Variants in SUPT4H1 observed in about 807,000 individuals in gnomAD.
The protein encoded by SUPT4H1 is SPT4 homolog, DSIF elongation factor subunit.
SUPT4H1 carries 12 observed loss-of-function variants against 19.4 expected under a neutral mutation model. The observed-to-expected ratio is 0.62, with a 90% confidence interval of 0.40 to 1.00. SUPT4H1 has a LOEUF of 1.00. Among genes scored for constraint, SUPT4H1 ranks in the 50% least tolerant of loss-of-function variants. SUPT4H1 has a pLI of 0.00. For missense variants in SUPT4H1, 115 were observed against 149.2 expected, an observed-to-expected ratio of 0.77 and a Z score of 1.19; for synonymous variants, 58 against 56.3, an observed-to-expected ratio of 1.03 and a Z score of -0.14.
Position 58,351,515 on chromosome 17 carries a change from G to A in SUPT4H1, c.70-7C>T. 1.3e-6 allele frequency: 2 copies of A among 1,589,128 alleles called. No individual in the cohort carries two copies. The highest frequency in any genetic ancestry group is 2.2e-5 in the East Asian group (1 of 44,740). The stretch of plus-strand genomic sequence containing the variant: ...ATTCAAACTGGTCTATAGTCTGGGA[G>A]TGAAAGAAAAATAAAGGAAAAGGAG... On this transcript the variant is annotated splice_polypyrimidine_tract_variant and splice_region_variant and intron_variant, in intron 1 of 4. Transcript: ENST00000225504.
intron 2 of SUPT4H1, among the ~76,000 whole-genome samples, chr17:58,350,049 G>A (rs1374761211): frequency 5.9e-5 from 9 of 152,244 alleles, no homozygotes; most frequent in African/African-American, 2.2e-4. Flanking sequence ...TTGTGAGGCT[G>A]AGACGGGAGG....
intron 2 of SUPT4H1, among the ~76,000 whole-genome samples, chr17:58,351,181 A>G (rs182630948): frequency 6.8e-5 from 10 of 147,604 alleles, no homozygotes; most frequent in Admixed American, 6.2e-4. Flanking sequence ...TCAGAGGATC[A>G]TTCCACGCTG....
intron 4 of SUPT4H1, 84 bp from the exon 5 acceptor site, chr17:58,346,397 C>T: frequency 1.8e-6 from 2 of 1,136,042 alleles, no homozygotes; most frequent in South Asian, 1.2e-5. Context: ...GAGGGGGGTA[C>T]TATAAGCAAA....
At position 58,346,223 on chromosome 17, in the gene SUPT4H1, G is replaced by T. The variant is rs1972282982; in HGVS notation, c.*23C>A. 1 of 1,607,826 alleles carries T rather than the reference G, an allele frequency of 6.2e-7. No homozygotes were observed. The highest frequency in any genetic ancestry group is 2.2e-5 in the East Asian group (1 of 44,852). On this transcript the variant is annotated 3_prime_UTR_variant, in exon 5 of 5. Transcript: ENST00000225504. ...GCAGAGGCAGGAGGTGGAGAGCAAA[G>T]ATGCTGGCAGCCTTGCATCTTGCTA... is the stretch of plus-strand genomic sequence containing the variant.
chr17:58,351,031 G>A (rs1408570119), intron 2 of SUPT4H1, among the ~76,000 whole-genome samples: 2 of 151,934 alleles, frequency 1.3e-5, no homozygotes, highest in East Asian at 1.9e-4. Flanking sequence ...ATTTGGACTA[G>A]ACACATTTCA....
At chr17:58,349,314 T>C (rs1251293990) in intron 2 of SUPT4H1, among the ~76,000 whole-genome samples, 1 of 152,290 alleles carries the variant, frequency 6.6e-6, no homozygotes, top group African/African-American at 2.4e-5. Flanking sequence ...AATTTTGTTC[T>C]TTTCCAGGCT....
At position 58,346,257 on chromosome 17, in the gene SUPT4H1, T is replaced by C; in HGVS notation, c.343A>G (p.Ile115Val). The change falls in exon 5 of 5, where the codon ATA becomes GTA. Residue 115 changes from isoleucine to valine, a missense_variant. Ile to Val is a conservative substitution (Grantham distance 29). Transcript: ENST00000225504. ...AGCCTTGCATCTTGCTAGGTCTTTA[T>C]AGCTGTGTCTCTGGATTTGTAGGCC... ...GVAYKSRDTA[I>V]KT The C allele has an allele frequency of 6.2e-7, 1 of 1,614,056 alleles. No homozygotes were observed. Among genetic ancestry groups the C allele is most frequent in the Non-Finnish European group, 8.5e-7 (1 of 1,179,918 alleles).
chr17:58,352,122 G>A lies in SUPT4H1; in HGVS notation c.14C>T (p.Thr5Met), dbSNP rs149078703. The change falls in exon 1 of 5, where the codon ACG (threonine) becomes ATG (methionine). Residue 5 changes from threonine (T) to methionine (M), a missense_variant. By Grantham distance (81) the Thr-to-Met change is moderately conservative (BLOSUM62 -1). Coordinates refer to ENST00000225504, the MANE Select transcript of SUPT4H1 (RefSeq NM_003168.3). ...CAGATGCCGCAGGTCCTTCGGCACCGTCTCCAGGGCCATCTTCGCCGATGG... is the reference window on the plus strand; with the variant it reads ...CAGATGCCGCAGGTCCTTCGGCACCATCTCCAGGGCCATCTTCGCCGATGG... Reference protein sequence around the residue: MALETVPKDLRHLRA... With the variant: MALEMVPKDLRHLRA... The A allele has an allele frequency of 1.2e-6, 2 of 1,614,156 alleles. No homozygotes were observed. The highest frequency in any genetic ancestry group is 2.2e-5 in the East Asian group (1 of 44,888).
intron 3 of SUPT4H1, 108 bp downstream of exon 3, chr17:58,347,421 C>G (rs1198218379): frequency 6.9e-7 from 1 of 1,449,704 alleles, no homozygotes; most frequent in African/African-American, 1.4e-5. Flanking sequence ...ACAACCCGAT[C>G]TTTCCCACCC....
Position 58,346,300 on chromosome 17 carries a change from C to T in SUPT4H1, c.300G>A (p.Glu100=). ...TGRLPQGIVR[E]LKSRGVAYKS... is the part of the protein sequence containing the mutation. ...TGTAGGCCACTCCTCGACTTTTCAG[C>T]TCCCGCACGATTCCTGAAGCAGGAA... Residue 100 remains glutamate, a synonymous_variant, in exon 5 of 5, where the codon GAG becomes GAA. Coordinates refer to ENST00000225504, the MANE Select transcript of SUPT4H1 (RefSeq NM_003168.3). The T allele has an allele frequency of 6.2e-7, 1 of 1,614,028 alleles. No individual in the cohort carries two copies. Among genetic ancestry groups the T allele is most frequent in the Non-Finnish European group, 8.5e-7 (1 of 1,179,956 alleles).
At chr17:58,348,315 T>G (rs1006278255) in intron 2 of SUPT4H1, among the ~76,000 whole-genome samples, 2 of 152,218 alleles carry the variant, frequency 1.3e-5, no homozygotes, top group Admixed American at 1.3e-4. Flanking sequence ...GCCTATTGTG[T>G]GGGTGTAAGC....
intron 3 of SUPT4H1, 122 bp downstream of exon 3, chr17:58,347,407 T>TCC: frequency 1.4e-6 from 2 of 1,397,496 alleles, no homozygotes; most frequent in Admixed American, 3.4e-5. Flanking sequence ...TCCCTGTGTT[T>TCC]CCTACAACCC....
intron 2 of SUPT4H1, among the ~76,000 whole-genome samples, chr17:58,350,944 T>G (rs1174788468): frequency 6.6e-6 from 1 of 152,014 alleles, no homozygotes. Flanking sequence ...TAACAAACAT[T>G]ATTAAGATTA....
At chr17:58,350,619 T>C (rs927218813) in intron 2 of SUPT4H1, among the ~76,000 whole-genome samples, 4 of 150,666 alleles carry the variant, frequency 2.7e-5, no homozygotes, top group African/African-American at 9.8e-5. Context: ...GCAGATCACC[T>C]GAGGTCAGGA....
intron 2 of SUPT4H1, 88 bp downstream of exon 2, chr17:58,351,314 A>G (rs1379221868): frequency 3.5e-6 from 3 of 845,326 alleles, no homozygotes; most frequent in Non-Finnish European, 5.6e-6. Context: ...GGCTGGGCCC[A>G]ACTAGGATTA....
intron 2 of SUPT4H1, among the ~76,000 whole-genome samples, chr17:58,350,893 A>G (rs1219122078): frequency 6.7e-6 from 1 of 150,040 alleles, no homozygotes; most frequent in African/African-American, 2.4e-5. Context: ...CCATTACTAC[A>G]CCTCCCTTCC....
chr17:58,347,514 C>T lies in SUPT4H1; in HGVS notation c.232+15G>A, dbSNP rs1972336649. The T allele has an allele frequency of 6.2e-7, 1 of 1,614,138 alleles. No homozygotes were observed. Among genetic ancestry groups the T allele is most frequent in the South Asian group, 1.1e-5 (1 of 91,084 alleles). Reference sequence around the variant, plus strand: ...ACACTACAACTAAGCCAAAAGGAGACAGGCCAACACTTACTGACTCGCTGC... The same window carrying T: ...ACACTACAACTAAGCCAAAAGGAGATAGGCCAACACTTACTGACTCGCTGC... On this transcript the variant is annotated intron_variant, in intron 3 of 4. Coordinates refer to ENST00000225504, the MANE Select transcript of SUPT4H1 (RefSeq NM_003168.3).
intron 1 of SUPT4H1, 164 bp downstream of exon 1, chr17:58,351,903 C>T: frequency 2.9e-6 from 2 of 701,142 alleles, no homozygotes; most frequent in Non-Finnish European, 4.8e-6. Flanking sequence ...GACCTGTCCG[C>T]GATCCTACGA....
chr17:58,346,772 A>T (rs954278981), intron 4 of SUPT4H1, among the ~76,000 whole-genome samples: 1 of 151,730 alleles, frequency 6.6e-6, no homozygotes, highest in African/African-American at 2.4e-5. Context: ...ACTAGTGAAG[A>T]CCCAGGCAGG....
Sources: gnomAD v4.1 joint callset for allele counts (sites outside exome capture counted in the v4.1 genomes callset) on GRCh38, gnomAD v4.1.1 for gene constraint, MANE v1.5 for transcripts, NCBI Gene and HGNC (gene_info 2026-07-23, HGNC 2026-07-21) for gene names.